The following TPRG1 variants were observed in gnomAD, a reference collection of about 807,000 sequenced individuals.
TPRG1 encodes tumor protein p63 regulated 1, also known as tumor protein p63-regulated gene 1 protein.
Under a neutral mutation model 29.3 loss-of-function variants are expected in TPRG1, and 29 were observed. That is an observed-to-expected ratio of 0.99 (90% CI 0.74 to 1.35). The LOEUF is 1.35. Among genes scored for constraint, TPRG1 ranks in the 40% most tolerant of loss-of-function variants. The pLI is 0.00. For missense variants in TPRG1, 327 were observed against 335.0 expected, an observed-to-expected ratio of 0.98 and a Z score of 0.19; for synonymous variants, 130 against 116.8, an observed-to-expected ratio of 1.11 and a Z score of -0.73.
intron 1 of TPRG1, among the ~76,000 whole-genome samples, chr3:189,184,205 T>C (rs1420565768): frequency 6.6e-6 from 1 of 152,132 alleles, no homozygotes; most frequent in Non-Finnish European, 1.5e-5. Flanking sequence ...TCCTTAACCC[T>C]CTGAGGTTCA....
At chr3:189,072,526 T>C (rs1442882128) in intron 4 of TPRG1, among the ~76,000 whole-genome samples, 1 of 152,204 alleles carries the variant, frequency 6.6e-6, no homozygotes, top group African/African-American at 2.4e-5. Flanking sequence ...TGATATTTTA[T>C]TTTTCATGGG....
intron 3 of TPRG1, among the ~76,000 whole-genome samples, chr3:189,221,676 T>C (rs61504614): frequency 1.3e-5 from 2 of 152,066 alleles, no homozygotes; most frequent in South Asian, 2.1e-4. Flanking sequence ...ATTGAAGAAA[T>C]GGTGATCAGG....
intron 1 of TPRG1, among the ~76,000 whole-genome samples, chr3:189,195,011 A>G (rs886565831): frequency 6.6e-6 from 1 of 152,122 alleles, no homozygotes; most frequent in Non-Finnish European, 1.5e-5. Flanking sequence ...CAGCTCAGCC[A>G]CTGCTCTGTT....
chr3:189,073,942 C>G (rs1355708624), intron 4 of TPRG1, among the ~76,000 whole-genome samples: 2 of 152,058 alleles, frequency 1.3e-5, no homozygotes, highest in Non-Finnish European at 2.9e-5. Flanking sequence ...TATTCTTACC[C>G]TCACTTTTGA....
In TPRG1 at chr3:189,152,806, CATT is replaced by C. The variant is rs1726142928; in HGVS notation, c.-10+1942_-10+1944del. ...ATTAAAAAGTAGGATTGCTACCTGCCATTATTATTAAAAAGTAGGATTGCTACC... is the reference window on the plus strand; with the variant it reads ...ATTAAAAAGTAGGATTGCTACCTGCCATTATTAAAAAGTAGGATTGCTACC... On this transcript the variant is annotated intron_variant, in intron 5 of 6. Transcript: ENST00000412373. Among the ~76,000 whole-genome samples the C allele has an allele frequency of 6.0e-5, 9 of 150,448 alleles. No individual in the cohort carries two copies. In the South Asian group the frequency reaches 1.9e-3, roughly 32 times the overall value.
rs1735648642 is a variant in TPRG1 at position 189,213,887 on chromosome 3, T to C, written c.211-1405T>C. Among the ~76,000 whole-genome samples, 4 of 152,330 alleles carry C rather than the reference T, an allele frequency of 2.6e-5. No homozygotes were observed. In the South Asian group the frequency reaches 8.3e-4, roughly 32 times the overall value. On this transcript the variant is annotated intron_variant, in intron 2 of 5. Transcript: ENST00000345063. ...CTTTTTATAACTTCATCATATTGTATTGTATGAATGTATCCTATAATATAT... is the reference window on the plus strand; with the variant it reads ...CTTTTTATAACTTCATCATATTGTACTGTATGAATGTATCCTATAATATAT...
rs908591409 is a variant in TPRG1, at chr3:189,103,012, G to T, written c.-744+2808G>T. 2.0e-5 allele frequency among the ~76,000 whole-genome samples: 3 copies of T among 152,150 alleles called. No homozygotes were observed. The South Asian group carries it at 6.2e-4, about 32-fold the overall frequency. ...CAGAAATATATTTTTCTTGATGCCT[G>T]TGGTTTATTTTGGTGCTTCGTCTGT... On this transcript the variant is annotated intron_variant, in intron 1 of 6. Transcript: ENST00000412373.
intron 1 of TPRG1, among the ~76,000 whole-genome samples, chr3:189,111,174 C>T (rs1720476121): frequency 6.6e-6 from 1 of 151,860 alleles, no homozygotes. Flanking sequence ...GGGAAATTAA[C>T]ATATTAATAA....
intron 1 of TPRG1, among the ~76,000 whole-genome samples, chr3:189,106,803 A>G (rs540389920): frequency 1.3e-5 from 2 of 152,210 alleles, no homozygotes; most frequent in Admixed American, 6.5e-5. Flanking sequence ...ACTAATTATT[A>G]CTGTCCCAAT....
upstream of TPRG1, among the ~76,000 whole-genome samples, chr3:189,096,716 T>C (rs1263859258): frequency 6.6e-6 from 1 of 152,226 alleles, no homozygotes; most frequent in Admixed American, 6.5e-5. Flanking sequence ...AAGAAAGTGG[T>C]GTTGTTTTAC....
chr3:189,305,913 T>A (rs1721560951), intron 4 of TPRG1, among the ~76,000 whole-genome samples: 1 of 152,210 alleles, frequency 6.6e-6, no homozygotes, highest in South Asian at 2.1e-4. Flanking sequence ...ATTGTCCTTC[T>A]TACTTCCACT....
intron 4 of TPRG1, among the ~76,000 whole-genome samples, chr3:189,071,363 T>G (rs904382066): frequency 2.6e-5 from 4 of 152,234 alleles, no homozygotes; most frequent in Non-Finnish European, 5.9e-5. Context: ...GAGATCCTTA[T>G]AAATACATTG....
intron 4 of TPRG1, among the ~76,000 whole-genome samples, chr3:189,281,982 G>A (rs1293676153): frequency 6.6e-6 from 1 of 151,948 alleles, no homozygotes; most frequent in Non-Finnish European, 1.5e-5. Flanking sequence ...CCAGGCTCAA[G>A]CAATTCTCAT....
rs550757225 is a variant in TPRG1, at chr3:189,032,732, T to A, written c.-463+8786T>A. 4.1e-5 allele frequency among the ~76,000 whole-genome samples: 6 copies of A among 146,002 alleles called. No homozygotes were observed. In the South Asian group the frequency reaches 7.0e-4, roughly 17 times the overall value. On this transcript the variant is annotated intron_variant, in intron 4 of 10. Transcript: ENST00000433971. ...ATTTAGCATTAGGTGTATCTCCTAATGCTATCCCTCCCCCCTCCCCCCACC... is the reference window on the plus strand; with the variant it reads ...ATTTAGCATTAGGTGTATCTCCTAAAGCTATCCCTCCCCCCTCCCCCCACC...
chr3:189,261,679 T>C (rs952016760), intron 4 of TPRG1, among the ~76,000 whole-genome samples: 5 of 152,048 alleles, frequency 3.3e-5, no homozygotes, highest in Admixed American at 6.6e-5. Flanking sequence ...AGGCTTTGGT[T>C]AGGGCTCCAG....
At chr3:189,167,549 C>G (rs894460678), upstream of TPRG1, among the ~76,000 whole-genome samples, 1 of 152,084 alleles carries the variant, frequency 6.6e-6, no homozygotes, top group Non-Finnish European at 1.5e-5. Flanking sequence ...GAAAATCCAG[C>G]CTCCTTGTTC....
chr3:189,008,538 A>C (rs564976695), intron 3 of TPRG1, among the ~76,000 whole-genome samples: 1 of 152,304 alleles, frequency 6.6e-6, no homozygotes, highest in South Asian at 2.1e-4. Flanking sequence ...GAATTAGTAC[A>C]ATTTTACTTT....
At chr3:189,244,912 T>G (rs1326001032) in intron 4 of TPRG1, among the ~76,000 whole-genome samples, 2 of 152,176 alleles carry the variant, frequency 1.3e-5, no homozygotes, top group Non-Finnish European at 2.9e-5. Context: ...TTAGTTGATC[T>G]CTATCTCTGC....
At chr3:189,201,178 C>A (rs1733422711) in intron 1 of TPRG1, among the ~76,000 whole-genome samples, 1 of 152,016 alleles carries the variant, frequency 6.6e-6, no homozygotes. Context: ...TTATTCAGCC[C>A]CATGTGTTTG....
Sources: allele counts gnomAD v4.1 joint callset (sites outside exome capture counted in the v4.1 genomes callset), GRCh38; gene constraint gnomAD v4.1.1; transcripts MANE v1.5; gene names NCBI Gene and HGNC (gene_info 2026-07-23, HGNC 2026-07-21).